MARK3: variants seen among roughly 807,000 people sequenced by gnomAD.
The protein encoded by MARK3 is microtubule affinity regulating kinase 3.
Under a neutral mutation model 90.1 loss-of-function variants are expected in MARK3, and 46 were observed. The observed-to-expected ratio is 0.51, with a 90% CI of 0.40 to 0.65. The LOEUF is 0.65. Among genes scored for constraint, MARK3 ranks in the 30% least tolerant of loss-of-function variants. MARK3 has a pLI of 0.00. For synonymous variants in MARK3, 321 were observed against 332.6 expected, an observed-to-expected ratio of 0.97 and a Z score of 0.38; for missense variants, 818 against 947.2, an observed-to-expected ratio of 0.86 and a Z score of 1.79.
At chr14:103,436,856 C>T (rs2092728141) in intron 3 of MARK3, among the ~76,000 whole-genome samples, 1 of 152,116 alleles carries the variant, frequency 6.6e-6, no homozygotes, top group Admixed American at 6.5e-5. Flanking sequence ...TTGGGAGGCC[C>T]AGCTGGGTGG....
At chr14:103,464,094 C>A (rs2093455431) in intron 7 of MARK3, among the ~76,000 whole-genome samples, 1 of 152,154 alleles carries the variant, frequency 6.6e-6, no homozygotes, top group Non-Finnish European at 1.5e-5. Flanking sequence ...ACCCACAACT[C>A]CCTGTGCCTC....
intron 1 of MARK3, among the ~76,000 whole-genome samples, chr14:103,397,047 C>A (rs375548697): frequency 2.0e-5 from 3 of 151,946 alleles, no homozygotes; most frequent in Admixed American, 6.6e-5. Context: ...TTTAATTTAA[C>A]GTATTAAATA....
In MARK3 at chr14:103,444,766, G is replaced by A. The variant is rs575163637; in HGVS notation, c.298-4153G>A. Reference sequence around the variant, plus strand: ...TACTCCAGCCTGGGCGACAGAGCGAGACTCCATTTCAAAAAAAAAAAGTAG... The same window carrying A: ...TACTCCAGCCTGGGCGACAGAGCGAAACTCCATTTCAAAAAAAAAAAGTAG... On this transcript the variant is annotated intron_variant, in intron 3 of 17. Coordinates refer to ENST00000429436, the MANE Select transcript of MARK3 (RefSeq NM_001128918.3). Among the ~76,000 whole-genome samples the A allele has an allele frequency of 2.8e-4, 42 of 151,608 alleles. 1 individual carries two copies. In the South Asian group the frequency reaches 2.9e-3, roughly 10 times the overall value.
chr14:103,467,078 G>T lies in MARK3; in HGVS notation c.998-1G>T. 1 of 1,364,782 alleles carries T rather than the reference G, an allele frequency of 7.3e-7. No homozygotes were observed. Among genetic ancestry groups the T allele is most frequent in the Non-Finnish European group, 1.0e-6 (1 of 964,138 alleles). The allele number at this position is 1,364,782 out of a possible 1,614,324, so 84.5% of individuals were successfully genotyped here. ...TAAACTGTATTATGCCCTTCTTTTA[G>T]ATATTATGGTGGGAATGGGATATTC... is the stretch of plus-strand genomic sequence containing the variant. On this transcript the variant is annotated splice_acceptor_variant, in intron 10 of 17. Coordinates refer to ENST00000429436, the MANE Select transcript of MARK3 (RefSeq NM_001128918.3). LOFTEE classifies it high-confidence loss of function.
At position 103,491,967 on chromosome 14, in the gene MARK3, T is replaced by C. The variant is rs201476879; in HGVS notation, c.1777T>C (p.Leu593=). The change falls in exon 15 of 18, where the codon TTG becomes CTG. Residue 593 remains leucine (L), a synonymous_variant. Coordinates refer to ENST00000429436, the MANE Select transcript of MARK3 (RefSeq NM_001128918.3). ...CAGCCTGTCCCATGAAGCCACACCA[T>C]TGTCCCAGACTCGAAGCCGAGGCTC... ...SPSLSHEATP[L]SQTRSRGSTN... is the part of the protein sequence containing the mutation. The C allele has an allele frequency of 3.7e-6, 6 of 1,614,160 alleles. No individual in the cohort carries two copies. The highest frequency in any genetic ancestry group is 1.7e-5 in the Admixed American group (1 of 60,006).
At chr14:103,464,357 G>A (rs2093462938) in intron 7 of MARK3, among the ~76,000 whole-genome samples, 1 of 139,340 alleles carries the variant, frequency 7.2e-6, no homozygotes, top group Non-Finnish European at 1.5e-5. Flanking sequence ...AGAGTGCAGT[G>A]GTGCGATCTC....
intron 1 of MARK3, 128 bp from the exon 2 acceptor site, chr14:103,404,948 T>C (rs2091188778): frequency 5.0e-6 from 3 of 599,536 alleles, no homozygotes; most frequent in Non-Finnish European, 8.3e-6. Flanking sequence ...TTAAATTCCT[T>C]TGAAGTGCTA....
At chr14:103,449,693 A>G (rs2093084801) in intron 4 of MARK3, among the ~76,000 whole-genome samples, 1 of 152,208 alleles carries the variant, frequency 6.6e-6, no homozygotes, top group Admixed American at 6.5e-5. Flanking sequence ...TGTAGAAACA[A>G]GAAGAGAATA....
At chr14:103,423,329 G>T (rs571366969) in intron 2 of MARK3, among the ~76,000 whole-genome samples, 26 of 151,116 alleles carry the variant, frequency 1.7e-4, no homozygotes, top group African/African-American at 6.3e-4. Flanking sequence ...TTCTCCAGTG[G>T]GTGTTTGCTG....
chr14:103,414,385 A>G (rs191635067), intron 2 of MARK3, among the ~76,000 whole-genome samples: 123 of 152,006 alleles, frequency 8.1e-4, no homozygotes, highest in African/African-American at 2.6e-3. Flanking sequence ...TTGTATTTTT[A>G]GTAAAGACAG....
intron 5 of MARK3, among the ~76,000 whole-genome samples, chr14:103,452,489 T>TTTA (rs2093172785): frequency 7.3e-6 from 1 of 137,428 alleles, no homozygotes; most frequent in African/African-American, 2.5e-5. Context: ...TTTTTTTTTT[T>TTTA]GAGACGGAGT....
chr14:103,448,906 T>C lies in MARK3; in HGVS notation c.298-13T>C, dbSNP rs1420812337. ...TTGGGGGGATTATGTGTTTTGTTTG[T>C]TTTTTTTTTTAGCTCTTCAGAGAAG... On this transcript the variant is annotated splice_polypyrimidine_tract_variant and intron_variant, in intron 3 of 17. Coordinates refer to ENST00000429436, the MANE Select transcript of MARK3 (RefSeq NM_001128918.3). The C allele has an allele frequency of 2.3e-6, 2 of 854,310 alleles. No homozygotes were observed. Among genetic ancestry groups the C allele is most frequent in the African/African-American group, 1.8e-5 (1 of 55,766 alleles). The allele number at this position is 854,310 out of a possible 1,614,324, so 52.9% of individuals were successfully genotyped here.
intron 3 of MARK3, among the ~76,000 whole-genome samples, chr14:103,433,273 A>G (rs2092636673): frequency 6.6e-6 from 1 of 151,648 alleles, no homozygotes; most frequent in Admixed American, 6.6e-5. Flanking sequence ...TTTAGTAGAG[A>G]CAGGGTTTCA....
At chr14:103,403,025 TC>T (rs1291791886) in intron 1 of MARK3, among the ~76,000 whole-genome samples, 1 of 139,972 alleles carries the variant, frequency 7.1e-6, no homozygotes, top group South Asian at 2.3e-4. Flanking sequence ...GTTACATCCC[TC>T]CCCCTCCCCT....
intron 11 of MARK3, chr14:103,467,401 A>G (rs1416802414): frequency 1.5e-5 from 5 of 331,210 alleles, no homozygotes; most frequent in Non-Finnish European, 2.2e-5. Flanking sequence ...GTGGTGGCTC[A>G]TGCCTGTAAT....
At chr14:103,392,553 C>A (rs1420889699) in intron 1 of MARK3, among the ~76,000 whole-genome samples, 1 of 152,208 alleles carries the variant, frequency 6.6e-6, no homozygotes, top group South Asian at 2.1e-4. Flanking sequence ...AAAATCACTG[C>A]CTTAGTGTGC....
Position 103,386,045 on chromosome 14 carries a change from C to T in MARK3, c.16C>T (p.Pro6Ser), listed in dbSNP as rs1248654520. 3 of 1,614,152 alleles carry T rather than the reference C, an allele frequency of 1.9e-6. No individual in the cohort carries two copies. Among genetic ancestry groups the T allele is most frequent in the South Asian group, 2.2e-5 (2 of 91,086 alleles). Residue 6 changes from proline (P) to serine (S), a missense_variant, in exon 1 of 18, where the codon CCA becomes TCA. Physicochemically the swap from Pro to Ser is moderately conservative, Grantham distance 74. Transcript: ENST00000429436. MSTRT[P>S]LPTVNERDTE... ...GTGCAGTAAAATGTCCACTAGGACC[C>T]CATTGCCAACGGTGAATGAACGAGA...
At chr14:103,442,878 C>T (rs963790995) in intron 3 of MARK3, among the ~76,000 whole-genome samples, 5 of 150,152 alleles carry the variant, frequency 3.3e-5, no homozygotes, top group Non-Finnish European at 7.4e-5. Flanking sequence ...GTCAGTAAAG[C>T]TAAAGGCAGA....
Position 103,487,984 on chromosome 14 carries a change from C to T in MARK3, c.1587-3793C>T, listed in dbSNP as rs563218826. Among the ~76,000 whole-genome samples, 363 of 151,718 alleles carry T rather than the reference C, an allele frequency of 2.4e-3. 1 individual carries two copies. Among genetic ancestry groups the T allele is most frequent in the Non-Finnish European group, 4.7e-3 (316 of 67,924 alleles). ...AATGGCGTGAACCCAGGAGGCAGAG[C>T]TTGCAGTGAGCAGAGATCACACTGC... On this transcript the variant is annotated intron_variant, in intron 14 of 17. Transcript: ENST00000429436.
Sources: gnomAD v4.1 joint callset for allele counts (sites outside exome capture counted in the v4.1 genomes callset) on GRCh38, gnomAD v4.1.1 for gene constraint, MANE v1.5 for transcripts, NCBI Gene and HGNC (gene_info 2026-07-23, HGNC 2026-07-21) for gene names.